Variants in ANKRD31 observed in about 807,000 individuals in gnomAD.
The protein encoded by ANKRD31 is ankyrin repeat domain 31.
A neutral mutation model predicts 186.0 loss-of-function variants in ANKRD31; 147 were observed. That is an observed-to-expected ratio of 0.79 (90% CI 0.69 to 0.91). The LOEUF (loss-of-function observed/expected upper bound fraction) is 0.91. ANKRD31 is among the 40% of genes least tolerant of loss of function. The pLI, the probability that ANKRD31 is intolerant of heterozygous loss-of-function variation, is 0.00. For synonymous variants in ANKRD31, 673 were observed against 736.4 expected (o/e 0.91, Z 1.39); for missense variants, 1,986 against 2,148.8 (o/e 0.92, Z 1.50).
chr5:75,090,907 C>G (rs1267312866), intron 23 of ANKRD31, among the ~76,000 whole-genome samples: 1 of 152,132 alleles, frequency 6.6e-6, no homozygotes. Flanking sequence ...TACCAATACA[C>G]CAGTGGTTCC....
At chr5:75,154,109 A>G (rs1198711602) in intron 12 of ANKRD31, 92 bp downstream of exon 12, 2 of 1,231,454 alleles carry the variant, frequency 1.6e-6, no homozygotes. Context: ...AACACTCATG[A>G]GAAAAATAAA....
At chr5:75,080,836 T>G (rs1217482199) in intron 24 of ANKRD31, among the ~76,000 whole-genome samples, 197 bp from the exon 25 acceptor site, 1 of 152,190 alleles carries the variant, frequency 6.6e-6, no homozygotes, top group African/African-American at 2.4e-5. Flanking sequence ...AAAAACAGTA[T>G]TCTAAAAAGT....
chr5:75,176,475 G>A (rs981818689), intron 10 of ANKRD31, among the ~76,000 whole-genome samples: 1 of 152,168 alleles, frequency 6.6e-6, no homozygotes, highest in African/African-American at 2.4e-5. Context: ...TAACTGGCAG[G>A]CACCCCCAAG....
intron 12 of ANKRD31, among the ~76,000 whole-genome samples, chr5:75,152,908 C>T (rs1422242558): frequency 6.6e-6 from 1 of 151,584 alleles, no homozygotes; most frequent in East Asian, 1.9e-4. Context: ...TTTAATATAT[C>T]CATGTATATT....
chr5:75,102,388 C>T (rs997408761), intron 22 of ANKRD31, among the ~76,000 whole-genome samples: 9 of 152,216 alleles, frequency 5.9e-5, no homozygotes, highest in African/African-American at 2.2e-4. Flanking sequence ...CAGGGACCCA[C>T]TTGAGGAGGC....
intron 22 of ANKRD31, among the ~76,000 whole-genome samples, chr5:75,093,792 A>G (rs911128747): frequency 6.6e-6 from 1 of 152,192 alleles, no homozygotes; most frequent in Non-Finnish European, 1.5e-5. Flanking sequence ...TATATCTAGG[A>G]AAACGATCTT....
chr5:75,183,971 T>A (rs1754513970), intron 10 of ANKRD31, among the ~76,000 whole-genome samples: 1 of 151,886 alleles, frequency 6.6e-6, no homozygotes, highest in Non-Finnish European at 1.5e-5. Flanking sequence ...GAGCAAAAAA[T>A]TTTTAAAAAA....
chr5:75,110,358 C>T (rs1375840586), intron 20 of ANKRD31, among the ~76,000 whole-genome samples: 2 of 151,976 alleles, frequency 1.3e-5, no homozygotes, highest in Non-Finnish European at 2.9e-5. Flanking sequence ...AAATAGGCTC[C>T]ACTTGATGAA....
intron 25 of ANKRD31, among the ~76,000 whole-genome samples, chr5:75,072,387 A>G (rs1028481512): frequency 4.0e-5 from 6 of 151,866 alleles, no homozygotes; most frequent in Admixed American, 2.0e-4. Context: ...CCTTATTCCT[A>G]ATGCCTAGAA....
chr5:75,074,651 C>T (rs1744488047), intron 25 of ANKRD31, among the ~76,000 whole-genome samples: 1 of 151,614 alleles, frequency 6.6e-6, no homozygotes, highest in Admixed American at 6.6e-5. Flanking sequence ...ACAAAATAAT[C>T]TGTACACCAA....
At chr5:75,195,539 A>T in intron 7 of ANKRD31, 92 bp downstream of exon 7, 1 of 1,084,238 alleles carries the variant, frequency 9.2e-7, no homozygotes, top group Non-Finnish European at 1.3e-6. Flanking sequence ...ATTTTCAGCT[A>T]CTTGCTCCAC....
At position 75,091,375 on chromosome 5, in the gene ANKRD31, T is replaced by C; in HGVS notation, c.5358A>G (p.Leu1786=). ...TQETTHKASI[L]LNGKLKVESG... The stretch of plus-strand genomic sequence containing the variant: ...TTTCTACCTTAAGTTTACCATTCAA[T>C]AAAATACTGGCTTTGTGGGTAGTCT... The change falls in exon 23 of 26, where the codon TTA becomes TTG. Residue 1786 remains leucine, a synonymous_variant. Coordinates refer to ENST00000506364, the MANE Select transcript of ANKRD31 (RefSeq NM_001372053.1). The C allele has an allele frequency of 6.5e-7, 1 of 1,536,850 alleles. No individual in the cohort carries two copies. The highest frequency in any genetic ancestry group is 2.0e-5 in the Admixed American group (1 of 50,888).
rs148986776 is a variant in ANKRD31 at position 75,224,129 on chromosome 5, TTATATA to T, written c.179-1777_179-1772del. 3.3e-3 allele frequency among the ~76,000 whole-genome samples: 351 copies of T among 105,768 alleles called. 5 individuals carry two copies. In the East Asian group the frequency reaches 0.033, roughly 10 times the overall value. The allele number at this position is 105,768 out of a possible 152,430, so 69.4% of individuals were successfully genotyped here. ...AAAGGAAGAGATCTCTCAGAAATAATTATATATATATATATATATATATATATATAT... is the reference window on the plus strand; with the variant it reads ...AAAGGAAGAGATCTCTCAGAAATAATTATATATATATATATATATATATAT... On this transcript the variant is annotated intron_variant, in intron 2 of 25. Transcript: ENST00000506364.
At chr5:75,120,985 C>A (rs1478505676) in intron 17 of ANKRD31, among the ~76,000 whole-genome samples, 1 of 151,964 alleles carries the variant, frequency 6.6e-6, no homozygotes, top group Non-Finnish European at 1.5e-5. Flanking sequence ...GAGTTTGAGA[C>A]CAGCCTGACC....
chr5:75,156,158 G>T (rs1374397183), intron 11 of ANKRD31, among the ~76,000 whole-genome samples: 1 of 152,060 alleles, frequency 6.6e-6, no homozygotes, highest in Non-Finnish European at 1.5e-5. Context: ...ACTCACCTCG[G>T]CCTCCCAAAG....
intron 17 of ANKRD31, among the ~76,000 whole-genome samples, chr5:75,128,849 A>C (rs1561450854): frequency 6.6e-6 from 1 of 152,014 alleles, no homozygotes; most frequent in Admixed American, 6.6e-5. Context: ...TTCCCTCTAT[A>C]AAAAACCAGC....
At chr5:75,082,548 C>T (rs552906792) in intron 24 of ANKRD31, among the ~76,000 whole-genome samples, 1 of 152,258 alleles carries the variant, frequency 6.6e-6, no homozygotes, top group African/African-American at 2.4e-5. Flanking sequence ...ATCTGCTGCT[C>T]ACTGGTGAAG....
chr5:75,214,791 G>A (rs565054280), intron 3 of ANKRD31, among the ~76,000 whole-genome samples: 17 of 152,110 alleles, frequency 1.1e-4, no homozygotes, highest in Non-Finnish European at 2.4e-4. Flanking sequence ...CAGAAGAAGC[G>A]GCCTACTGGT....
At chr5:75,108,698 C>T (rs1747531074) in intron 20 of ANKRD31, among the ~76,000 whole-genome samples, 1 of 152,026 alleles carries the variant, frequency 6.6e-6, no homozygotes, top group Admixed American at 6.6e-5. Context: ...AGTCAGTGTC[C>T]TCAGAGCAGT....
Sources: allele counts gnomAD v4.1 joint callset (sites outside exome capture counted in the v4.1 genomes callset), GRCh38; gene constraint gnomAD v4.1.1; transcripts MANE v1.5; gene names NCBI Gene and HGNC (gene_info 2026-07-23, HGNC 2026-07-21).